The following CSMD2 variants were observed in gnomAD, a reference collection of about 807,000 sequenced individuals.
CSMD2 encodes CUB and Sushi multiple domains 2, also known as CUB and sushi domain-containing protein 2.
A neutral mutation model predicts 398.5 loss-of-function variants in CSMD2; 130 were observed. That is an observed-to-expected ratio of 0.33 (90% CI 0.28 to 0.38). The LOEUF (loss-of-function observed/expected upper bound fraction) is 0.38, where lower values mean the gene tolerates loss of function less well. Among genes scored for constraint, CSMD2 ranks in the 10% least tolerant of loss-of-function variants. The probability of loss-of-function intolerance (pLI) is 1.00; values close to 1 mark genes in which losing one functional copy is unlikely to be tolerated. For synonymous variants in CSMD2, 1,828 were observed against 1,908.5 expected (o/e 0.96, Z 1.10); for missense variants, 3,829 against 4,764.9 (o/e 0.80, Z 5.78).
At chr1:34,138,904 A>G (rs1286585834) in intron 1 of CSMD2, among the ~76,000 whole-genome samples, 1 of 152,080 alleles carries the variant, frequency 6.6e-6, no homozygotes, top group Non-Finnish European at 1.5e-5. Context: ...TCATATTGGG[A>G]TTTCAGTGAA....
intron 41 of CSMD2, among the ~76,000 whole-genome samples, chr1:33,607,582 C>T (rs1016656061): frequency 4.6e-5 from 7 of 152,336 alleles, no homozygotes; most frequent in African/African-American, 1.7e-4. Context: ...AATGATGAGG[C>T]CTCTGTGGGA....
At chr1:33,911,613 G>T (rs11580955) in intron 5 of CSMD2, among the ~76,000 whole-genome samples, 14,217 of 152,258 alleles carry the variant, frequency 0.093, 864 homozygotes, top group Non-Finnish European at 0.14. Context: ...GAAAAGGAGG[G>T]ATGAAATTAA....
Position 33,950,383 on chromosome 1 carries a change from CAGAGAGAGAGAGAG to C in CSMD2, c.518-14443_518-14430del, listed in dbSNP as rs3045848. 1.6e-3 allele frequency among the ~76,000 whole-genome samples: 213 copies of C among 133,888 alleles called. 3 individuals are homozygous for C. The highest frequency in any genetic ancestry group is 5.6e-3 in the African/African-American group (193 of 34,178). 87.8% of individuals were successfully genotyped at this position (133,888 alleles called of 152,430 possible). ...ATGGCTCTCCTTATTTCTCCTCCAG[CAGAGAGAGAGAGAG>C]AGAGAGAGAGAGAGAGAGAGAGAGA... On this transcript the variant is annotated intron_variant, in intron 3 of 70. Transcript: ENST00000373381.
intron 24 of CSMD2, among the ~76,000 whole-genome samples, chr1:33,697,923 G>A (rs1421106459): frequency 6.6e-6 from 1 of 152,232 alleles, no homozygotes; most frequent in African/African-American, 2.4e-5. Context: ...TTTTTCCAGT[G>A]GAGGTTTTGT....
At chr1:33,810,391 A>G in intron 10 of CSMD2, among the ~76,000 whole-genome samples, 1 of 152,222 alleles carries the variant, frequency 6.6e-6, no homozygotes. Context: ...AGTGCTAAGT[A>G]TAAAGAAAAA....
intron 25 of CSMD2, among the ~76,000 whole-genome samples, chr1:33,670,066 C>A (rs1644442388): frequency 6.6e-6 from 1 of 152,174 alleles, no homozygotes; most frequent in Non-Finnish European, 1.5e-5. Context: ...TTTGTTACAG[C>A]AGCCCTAGTA....
intron 4 of CSMD2, among the ~76,000 whole-genome samples, chr1:33,929,784 G>A (rs141336836): frequency 2.1e-3 from 320 of 151,480 alleles, no homozygotes; most frequent in African/African-American, 7.5e-3. Context: ...TGTTCCTCTA[G>A]CGTGTCCAGT....
rs1245408048 is a variant in CSMD2, at chr1:33,652,323, A to C, written c.4586T>G (p.Ile1529Ser). Reference protein sequence around the residue: ...PDYVIALVFNIFNLEPGYDFL... With the variant: ...PDYVIALVFNSFNLEPGYDFL... ...TCCCACCCGGGGGAAAGGTACATAC[A>C]TGTTAAATACCAGGGCGATGACGTA... Residue 1529 changes from isoleucine to serine, a missense_variant and splice_region_variant, in exon 28 of 71, where the codon ATC becomes AGC. Physicochemically the swap from Ile to Ser is moderately radical, Grantham distance 142 (BLOSUM62 -2). Transcript: ENST00000373381. 2 of 1,613,986 alleles carry C rather than the reference A, an allele frequency of 1.2e-6. No homozygotes were observed. Among genetic ancestry groups the C allele is most frequent in the East Asian group, 2.2e-5 (1 of 44,892 alleles).
chr1:33,741,571 G>A (rs1356385924), intron 14 of CSMD2, among the ~76,000 whole-genome samples: 1 of 152,172 alleles, frequency 6.6e-6, no homozygotes, highest in Non-Finnish European at 1.5e-5. Context: ...CTGTAATAGT[G>A]TCCACCAATT....
chr1:33,922,748 C>T (rs1305496996), intron 4 of CSMD2, among the ~76,000 whole-genome samples: 1 of 152,110 alleles, frequency 6.6e-6, no homozygotes, highest in Non-Finnish European at 1.5e-5. Flanking sequence ...CAGCCAGGGA[C>T]TCAGCTGGCA....
chr1:33,693,884 C>T (rs777418438), intron 24 of CSMD2, among the ~76,000 whole-genome samples: 2 of 151,978 alleles, frequency 1.3e-5, no homozygotes, highest in Non-Finnish European at 2.9e-5. Context: ...ATGGAGAAAC[C>T]CCATCTCTAC....
chr1:33,566,054 T>C (rs1281426018), intron 53 of CSMD2, among the ~76,000 whole-genome samples: 1 of 148,672 alleles, frequency 6.7e-6, no homozygotes, highest in African/African-American at 2.5e-5. Context: ...AGAGAGAAGA[T>C]AGGCAAAGAA....
chr1:33,743,251 G>T, intron 14 of CSMD2, 29 bp downstream of exon 14: 2 of 1,548,716 alleles, frequency 1.3e-6, no homozygotes, highest in Non-Finnish European at 1.8e-6. Context: ...TCAGATGGAG[G>T]GCCAGCTGGT....
At chr1:33,677,576 A>G (rs1465286550) in intron 25 of CSMD2, among the ~76,000 whole-genome samples, 1 of 152,184 alleles carries the variant, frequency 6.6e-6, no homozygotes, top group Non-Finnish European at 1.5e-5. Context: ...TAGAACTAGA[A>G]ATACCATTTG....
intron 60 of CSMD2, among the ~76,000 whole-genome samples, chr1:33,538,268 T>A (rs548402693): frequency 1.3e-5 from 2 of 152,312 alleles, no homozygotes; most frequent in East Asian, 1.9e-4. Flanking sequence ...GCTGAACACA[T>A]CCACAGCTCT....
chr1:33,723,085 G>T (rs1188481803), intron 19 of CSMD2, among the ~76,000 whole-genome samples: 2 of 152,122 alleles, frequency 1.3e-5, no homozygotes, highest in African/African-American at 4.8e-5. Flanking sequence ...TCTATTTCTG[G>T]ACAATTATTC....
chr1:34,059,634 G>T (rs1654237123), intron 2 of CSMD2, among the ~76,000 whole-genome samples: 1 of 152,114 alleles, frequency 6.6e-6, no homozygotes, highest in African/African-American at 2.4e-5. Flanking sequence ...TGACCACATG[G>T]CCCAGTATAA....
intron 19 of CSMD2, among the ~76,000 whole-genome samples, chr1:33,720,432 G>C (rs959863113): frequency 2.0e-5 from 3 of 152,188 alleles, no homozygotes; most frequent in African/African-American, 7.2e-5. Flanking sequence ...GTCAGGGAAG[G>C]CTCATTAGAG....
chr1:34,119,259 T>A (rs1234908400), intron 1 of CSMD2, among the ~76,000 whole-genome samples: 1 of 152,084 alleles, frequency 6.6e-6, no homozygotes, highest in African/African-American at 2.4e-5. Flanking sequence ...ATACCATATA[T>A]AAAAATTAAC....
Sources: allele counts gnomAD v4.1 joint callset (sites outside exome capture counted in the v4.1 genomes callset), GRCh38; gene constraint gnomAD v4.1.1; transcripts MANE v1.5; gene names NCBI Gene and HGNC (gene_info 2026-07-23, HGNC 2026-07-21).